Variants in DLG2 observed in about 807,000 individuals in gnomAD.
DLG2 encodes the protein disks large homolog 2.
In DLG2, 45 loss-of-function variants were observed where a neutral mutation model predicts 132.5. The observed-to-expected ratio is 0.34, with a 90% CI of 0.27 to 0.44. The LOEUF is 0.44. Ranked by LOEUF, DLG2 falls within the 20% of genes least tolerant of loss-of-function variation. The pLI is 1.00. For missense variants in DLG2, 1,045 were observed against 1,196.9 expected (o/e 0.87, Z 1.87); for synonymous variants, 424 against 419.6 (o/e 1.01, Z -0.13).
At chr11:84,151,681 AATGCTATAAACTTT>A (rs1272189641) in intron 9 of DLG2, among the ~76,000 whole-genome samples, 1 of 152,184 alleles carries the variant, frequency 6.6e-6, no homozygotes, top group Non-Finnish European at 1.5e-5. Context: ...GTAGGCATTT[AATGCTATAAACTTT>A]TCTGTTAACA....
intron 21 of DLG2, among the ~76,000 whole-genome samples, chr11:83,510,664 G>C (rs772086287): frequency 6.6e-6 from 1 of 151,864 alleles, no homozygotes; most frequent in Admixed American, 6.6e-5. Flanking sequence ...CAGGCTCTTC[G>C]GTATAGCTCT....
At chr11:84,940,443 C>G (rs547458725) in intron 6 of DLG2, among the ~76,000 whole-genome samples, 1 of 152,266 alleles carries the variant, frequency 6.6e-6, no homozygotes, top group South Asian at 2.1e-4. Context: ...ATGAGCCATG[C>G]CCAGCCATGA....
intron 3 of DLG2, among the ~76,000 whole-genome samples, chr11:85,461,416 A>G: frequency 6.6e-6 from 1 of 152,226 alleles, no homozygotes; most frequent in East Asian, 1.9e-4. Flanking sequence ...AAGAGAACAC[A>G]AGAAAACTGA....
intron 17 of DLG2, among the ~76,000 whole-genome samples, chr11:83,828,547 A>T (rs1323788705): frequency 1.3e-5 from 2 of 152,330 alleles, no homozygotes; most frequent in Middle Eastern, 6.8e-3. Flanking sequence ...CATGTTTTTT[A>T]GAAGTTCTTC....
chr11:85,281,920 C>T (rs1239236275), intron 4 of DLG2, among the ~76,000 whole-genome samples: 1 of 151,854 alleles, frequency 6.6e-6, no homozygotes, highest in Non-Finnish European at 1.5e-5. Flanking sequence ...ATGTTTATTG[C>T]AGCACCATTC....
intron 8 of DLG2, among the ~76,000 whole-genome samples, chr11:84,184,477 G>T (rs1282029408): frequency 6.6e-6 from 1 of 151,698 alleles, no homozygotes; most frequent in Non-Finnish European, 1.5e-5. Context: ...TTAGCCCTTT[G>T]TCAGATGAGT....
intron 3 of DLG2, among the ~76,000 whole-genome samples, chr11:85,346,101 G>A (rs900745999): frequency 2.6e-5 from 4 of 151,998 alleles, no homozygotes; most frequent in Admixed American, 2.0e-4. Context: ...AAAGTCAGAG[G>A]AGGAACGCGT....
chr11:83,753,242 G>C (rs1299301365), intron 18 of DLG2, among the ~76,000 whole-genome samples: 2 of 151,956 alleles, frequency 1.3e-5, no homozygotes, highest in Non-Finnish European at 2.9e-5. Flanking sequence ...GGCCAACATG[G>C]AGAAACTCCA....
chr11:84,006,358 G>A (rs1248419241), intron 11 of DLG2, among the ~76,000 whole-genome samples: 2 of 151,628 alleles, frequency 1.3e-5, no homozygotes, highest in East Asian at 3.9e-4. Flanking sequence ...AAACGTATAA[G>A]TTCTATTGTT....
At chr11:83,603,139 A>T (rs1437552986) in intron 19 of DLG2, among the ~76,000 whole-genome samples, 1 of 152,080 alleles carries the variant, frequency 6.6e-6, no homozygotes, top group Non-Finnish European at 1.5e-5. Flanking sequence ...ATATTCAATA[A>T]ATCATATAAA....
chr11:83,548,731 T>C (rs2141928780), intron 19 of DLG2, among the ~76,000 whole-genome samples: 1 of 152,296 alleles, frequency 6.6e-6, no homozygotes, highest in African/African-American at 2.4e-5. Flanking sequence ...TAATTCTAAT[T>C]CTCACAAAAA....
At chr11:85,377,064 A>C (rs751949975) in intron 3 of DLG2, among the ~76,000 whole-genome samples, 5 of 152,240 alleles carry the variant, frequency 3.3e-5, no homozygotes, top group Non-Finnish European at 5.9e-5. Context: ...AGCCACAAAG[A>C]AACATAGCCA....
At chr11:85,367,756 T>C (rs2084667190) in intron 3 of DLG2, among the ~76,000 whole-genome samples, 1 of 152,162 alleles carries the variant, frequency 6.6e-6, no homozygotes, top group South Asian at 2.1e-4. Flanking sequence ...ACATAGCTCA[T>C]TATAGCATTC....
At chr11:85,123,220 G>T (rs529818717) in intron 5 of DLG2, among the ~76,000 whole-genome samples, 3 of 151,254 alleles carry the variant, frequency 2.0e-5, no homozygotes, top group Non-Finnish European at 4.4e-5. Flanking sequence ...CTCGTGATCC[G>T]CCCGCCTCGG....
At chr11:84,050,875 A>G (rs1287441646) in intron 11 of DLG2, among the ~76,000 whole-genome samples, 1 of 151,950 alleles carries the variant, frequency 6.6e-6, no homozygotes, top group African/African-American at 2.4e-5. Flanking sequence ...GCATTGGTCT[A>G]CATCTCTGTT....
At position 85,075,757 on chromosome 11, in the gene DLG2, A is replaced by G. The variant is rs148634882; in HGVS notation, c.357+35904T>C. On this transcript the variant is annotated intron_variant, in intron 6 of 27. Coordinates refer to ENST00000376104, the MANE Select transcript of DLG2 (RefSeq NM_001142699.3). Reference sequence around the variant, plus strand: ...GCATACACTCTTACACTCTCAGAAAATATATAATATAATTGTAATGTGCAA... The same window carrying G: ...GCATACACTCTTACACTCTCAGAAAGTATATAATATAATTGTAATGTGCAA... Among the ~76,000 whole-genome samples the G allele has an allele frequency of 3.9e-5, 6 of 152,042 alleles. No homozygotes were observed. In the South Asian group the frequency reaches 6.2e-4, roughly 16 times the overall value.
At chr11:83,525,476 C>A (rs2095584370) in intron 21 of DLG2, among the ~76,000 whole-genome samples, 1 of 152,068 alleles carries the variant, frequency 6.6e-6, no homozygotes. Context: ...AAATATAAGA[C>A]CAGTTAAAAC....
At chr11:85,042,175 A>G (rs1041383293) in intron 6 of DLG2, among the ~76,000 whole-genome samples, 3 of 151,986 alleles carry the variant, frequency 2.0e-5, no homozygotes, top group South Asian at 4.1e-4. Flanking sequence ...AAGACAATAC[A>G]TGAATAGGTT....
Position 85,112,963 on chromosome 11 carries a change from T to A in DLG2, c.283-1228A>T, listed in dbSNP as rs117884581. Among the ~76,000 whole-genome samples, 426 of 152,224 alleles carry A rather than the reference T, an allele frequency of 2.8e-3. 7 individuals are homozygous for A. In the East Asian group the frequency reaches 0.047, roughly 17 times the overall value. On this transcript the variant is annotated intron_variant, in intron 5 of 27. Transcript: ENST00000376104. ...ACTGAATTCAGTACTCCTATCACAC[T>A]AAAATTTTTGCCTGTGATTTGTAAG...
Sources: gnomAD v4.1 joint callset for allele counts (sites outside exome capture counted in the v4.1 genomes callset) on GRCh38, gnomAD v4.1.1 for gene constraint, MANE v1.5 for transcripts, NCBI Gene and HGNC (gene_info 2026-07-23, HGNC 2026-07-21) for gene names.